LRRC63: variants seen among roughly 807,000 people sequenced by gnomAD.
The protein encoded by LRRC63 is leucine rich repeat containing 63, also known as leucine-rich repeat-containing protein 63.
Under a neutral mutation model 49.5 loss-of-function variants are expected in LRRC63, and 40 were observed. The ratio of observed to expected loss-of-function variants is 0.81; its 90% CI spans 0.63 to 1.05. The LOEUF is 1.05. Among genes scored for constraint, LRRC63 ranks in the 50% least tolerant of loss-of-function variants. The pLI is 0.00. For missense variants in LRRC63, 636 were observed against 663.1 expected, an observed-to-expected ratio of 0.96 and a Z score of 0.45; for synonymous variants, 191 against 221.1, an observed-to-expected ratio of 0.86 and a Z score of 1.21.
At chr13:46,260,799 T>A (rs2047602262) in intron 7 of LRRC63, among the ~76,000 whole-genome samples, 1 of 152,098 alleles carries the variant, frequency 6.6e-6, no homozygotes, top group Non-Finnish European at 1.5e-5. Context: ...CACAGAGGAA[T>A]ATGGGGGATT....
chr13:46,228,067 G>T (rs1308050086), exon 3 of LRRC63: 1 of 1,550,984 alleles, frequency 6.4e-7, no homozygotes, highest in South Asian at 1.2e-5. Context: ...AAACCAGAAG[G>T]ACAGTGGCCT....
rs112535776 is a variant in LRRC63, at chr13:46,212,963, A to G, written c.-33-39A>G. 4.1e-5 allele frequency: 41 copies of G among 1,007,092 alleles called. No homozygotes were observed. In the African/African-American group the frequency reaches 4.9e-4, roughly 12 times the overall value. The allele number at this position is 1,007,092 out of a possible 1,614,324, so 62.4% of individuals were successfully genotyped here. On this transcript the variant is annotated intron_variant, in intron 1 of 9. Transcript: ENST00000595396. ...ATTCTTATTATTTTTCAACAATTCA[A>G]ACATATTCAAAACCTTTTCAATTCT...
intron 7 of LRRC63, among the ~76,000 whole-genome samples, chr13:46,255,001 G>A (rs2047473144): frequency 6.6e-6 from 1 of 152,124 alleles, no homozygotes; most frequent in Admixed American, 6.6e-5. Context: ...TAATCAAAAG[G>A]TGGTAACTCA....
At chr13:46,258,191 A>G (rs2047549103) in intron 7 of LRRC63, among the ~76,000 whole-genome samples, 1 of 136,918 alleles carries the variant, frequency 7.3e-6, no homozygotes, top group Non-Finnish European at 1.5e-5. Flanking sequence ...GTGCAATGGC[A>G]CGATCTTGGC....
intron 2 of LRRC63, among the ~76,000 whole-genome samples, chr13:46,215,690 C>T (rs189340220): frequency 1.2e-4 from 18 of 152,156 alleles, no homozygotes; most frequent in African/African-American, 4.3e-4. Flanking sequence ...AAGTCTTTGC[C>T]CATGCCTGTG....
At chr13:46,235,728 A>G (rs542786771) in intron 5 of LRRC63, among the ~76,000 whole-genome samples, 8 of 152,304 alleles carry the variant, frequency 5.3e-5, no homozygotes, top group African/African-American at 1.9e-4. Flanking sequence ...TATTTTATTC[A>G]TGAGCATAAA....
intron 5 of LRRC63, among the ~76,000 whole-genome samples, chr13:46,245,641 C>G (rs1430597975): frequency 6.6e-6 from 1 of 151,720 alleles, no homozygotes; most frequent in African/African-American, 2.4e-5. Context: ...AAAAATAGGT[C>G]AAGAAAGAAA....
intron 5 of LRRC63, among the ~76,000 whole-genome samples, chr13:46,242,100 G>C (rs754459440): frequency 2.6e-5 from 4 of 152,194 alleles, no homozygotes; most frequent in Admixed American, 6.5e-5. Context: ...TAAAGAAAAT[G>C]TGGTACATAT....
At chr13:46,266,756 A>T in exon 9 of LRRC63, 1 of 1,547,796 alleles carries the variant, frequency 6.5e-7, no homozygotes. Context: ...CTGACTGTTG[A>T]TGGGAATGAA....
chr13:46,257,507 G>C (rs1246504652), intron 7 of LRRC63, among the ~76,000 whole-genome samples: 1 of 152,152 alleles, frequency 6.6e-6, no homozygotes, highest in Non-Finnish European at 1.5e-5. Context: ...CCCAGGAGGA[G>C]ACAGTCAATA....
At chr13:46,213,851 G>A (rs144403922) in intron 2 of LRRC63, among the ~76,000 whole-genome samples, 128 of 152,308 alleles carry the variant, frequency 8.4e-4, no homozygotes, top group African/African-American at 2.9e-3. Flanking sequence ...TCAGTAATGA[G>A]TAATTCATTG....
intron 6 of LRRC63, among the ~76,000 whole-genome samples, chr13:46,247,589 T>C (rs1242869385): frequency 1.3e-5 from 2 of 152,116 alleles, no homozygotes; most frequent in East Asian, 3.9e-4. Context: ...GTTATATAGC[T>C]ATAGATAAAA....
intron 6 of LRRC63, among the ~76,000 whole-genome samples, chr13:46,248,151 T>G (rs2047269420): frequency 6.6e-6 from 1 of 151,964 alleles, no homozygotes; most frequent in African/African-American, 2.4e-5. Flanking sequence ...TTTATTGAAG[T>G]CATAAAATGT....
chr13:46,271,827 C>T (rs1385679878), intron 9 of LRRC63, among the ~76,000 whole-genome samples: 2 of 151,694 alleles, frequency 1.3e-5, no homozygotes, highest in Non-Finnish European at 2.9e-5. Flanking sequence ...TCTGTAAGGG[C>T]TGTAACACAT....
At chr13:46,241,699 G>T (rs1163033175) in intron 5 of LRRC63, among the ~76,000 whole-genome samples, 1 of 151,844 alleles carries the variant, frequency 6.6e-6, no homozygotes, top group Non-Finnish European at 1.5e-5. Flanking sequence ...ACATACATGT[G>T]ATCAACAAGC....
intron 5 of LRRC63, among the ~76,000 whole-genome samples, chr13:46,239,006 T>C (rs1485683110): frequency 6.6e-6 from 1 of 152,218 alleles, no homozygotes; most frequent in Non-Finnish European, 1.5e-5. Context: ...AGGAAATTCA[T>C]AGCACTGAAT....
At chr13:46,243,958 A>G (rs2047139814) in intron 5 of LRRC63, among the ~76,000 whole-genome samples, 1 of 152,216 alleles carries the variant, frequency 6.6e-6, no homozygotes, top group Non-Finnish European at 1.5e-5. Flanking sequence ...CATTTTTCTC[A>G]AGCTTATCTC....
chr13:46,268,929 GAAAC>G, intron 9 of LRRC63, among the ~76,000 whole-genome samples: 1 of 152,052 alleles, frequency 6.6e-6, no homozygotes, highest in South Asian at 2.1e-4. Flanking sequence ...ATGATAGGAA[GAAAC>G]AAACCTAATG....
At chr13:46,256,070 A>G (rs936508787) in intron 7 of LRRC63, among the ~76,000 whole-genome samples, 1 of 152,214 alleles carries the variant, frequency 6.6e-6, no homozygotes, top group Non-Finnish European at 1.5e-5. Context: ...CTCATGTCAC[A>G]TGGCCTCAGC....
Sources: gnomAD v4.1 joint callset for allele counts (sites outside exome capture counted in the v4.1 genomes callset) on GRCh38, gnomAD v4.1.1 for gene constraint, MANE v1.5 for transcripts, NCBI Gene and HGNC (gene_info 2026-07-23, HGNC 2026-07-21) for gene names.